The following EFR3A variants were observed in gnomAD, a reference collection of about 807,000 sequenced individuals.
EFR3A encodes the protein protein EFR3 homolog A.
A neutral mutation model predicts 104.4 loss-of-function variants in EFR3A; 76 were observed. The observed-to-expected ratio is 0.73, with a 90% CI of 0.60 to 0.88. The LOEUF is 0.88. Among genes scored for constraint, EFR3A ranks in the 40% least tolerant of loss-of-function variants. EFR3A has a pLI of 0.00. For synonymous variants in EFR3A, 330 were observed against 330.0 expected, an observed-to-expected ratio of 1.00 and a Z score of 0.00; for missense variants, 985 against 1,012.5, an observed-to-expected ratio of 0.97 and a Z score of 0.37.
At chr8:131,989,675 G>C (rs772214917) in intron 18 of EFR3A, among the ~76,000 whole-genome samples, 1 of 152,094 alleles carries the variant, frequency 6.6e-6, no homozygotes, top group Non-Finnish European at 1.5e-5. Context: ...TTTCTACTGA[G>C]TGCCTACAAT....
intron 18 of EFR3A, among the ~76,000 whole-genome samples, chr8:131,992,383 G>T (rs1821234000): frequency 6.6e-6 from 1 of 152,142 alleles, no homozygotes; most frequent in Non-Finnish European, 1.5e-5. Context: ...CTGTTTTGTT[G>T]CAGTTGAGTA....
chr8:131,934,330 A>T (rs1817766374), intron 1 of EFR3A, among the ~76,000 whole-genome samples: 1 of 151,960 alleles, frequency 6.6e-6, no homozygotes, highest in African/African-American at 2.4e-5. Flanking sequence ...GTTCAGTCTT[A>T]CTTGTTCTTC....
At chr8:131,912,297 G>A (rs1276291827) in intron 1 of EFR3A, among the ~76,000 whole-genome samples, 1 of 152,076 alleles carries the variant, frequency 6.6e-6, no homozygotes, top group African/African-American at 2.4e-5. Context: ...GAGATAAGCA[G>A]GATAGAAACC....
At chr8:131,960,865 C>G (rs1006598601) in intron 8 of EFR3A, among the ~76,000 whole-genome samples, 2 of 152,090 alleles carry the variant, frequency 1.3e-5, no homozygotes, top group East Asian at 3.9e-4. Flanking sequence ...TAGGCTCTTC[C>G]TTAAGAGTTT....
chr8:131,941,622 A>G (rs569470052), intron 2 of EFR3A, among the ~76,000 whole-genome samples: 22 of 152,222 alleles, frequency 1.4e-4, no homozygotes, highest in South Asian at 1.0e-3. Flanking sequence ...GAAACATACT[A>G]AATATGAAAT....
At chr8:131,943,422 A>G (rs1818262060) in intron 2 of EFR3A, among the ~76,000 whole-genome samples, 1 of 152,074 alleles carries the variant, frequency 6.6e-6, no homozygotes, top group South Asian at 2.1e-4. Flanking sequence ...GATGATGTGG[A>G]GGAACTGATA....
Position 131,919,014 on chromosome 8 carries a change from T to C in EFR3A, c.10+14692T>C, listed in dbSNP as rs1816870553. Among the ~76,000 whole-genome samples, 8 of 152,234 alleles carry C rather than the reference T, an allele frequency of 5.3e-5. No homozygotes were observed. In the South Asian group the frequency reaches 1.7e-3, roughly 32 times the overall value. The stretch of plus-strand genomic sequence containing the variant: ...GCTCATAATGGTAACAAACTAATAT[T>C]TTTTGATTTAGGGGTTTTCCTAAAC... On this transcript the variant is annotated intron_variant, in intron 1 of 22. Transcript: ENST00000254624.
chr8:132,006,358 C>T (rs1822052378), intron 22 of EFR3A, among the ~76,000 whole-genome samples: 1 of 151,650 alleles, frequency 6.6e-6, no homozygotes, highest in African/African-American at 2.4e-5. Flanking sequence ...CACAGATTAC[C>T]AATATTACAA....
At chr8:131,956,319 C>G (rs1026868108) in intron 7 of EFR3A, among the ~76,000 whole-genome samples, 3 of 152,092 alleles carry the variant, frequency 2.0e-5, no homozygotes, top group Non-Finnish European at 2.9e-5. Context: ...TGCCTTAGAT[C>G]GCATTCACAT....
chr8:131,990,907 G>T (rs930966376), intron 18 of EFR3A, among the ~76,000 whole-genome samples: 1 of 151,940 alleles, frequency 6.6e-6, no homozygotes, highest in South Asian at 2.1e-4. Context: ...CTGAGGGGAC[G>T]CATAGGATTT....
rs1320578989 is a variant in EFR3A at position 132,010,772 on chromosome 8, A to T, written c.2361-18A>T. ...TTGTAAGTACACCTGCTGACAATGT[A>T]TTTTTGTTCTTTTATAGTCCTCCTC... On this transcript the variant is annotated intron_variant, in intron 22 of 22. Coordinates refer to ENST00000254624, the MANE Select transcript of EFR3A (RefSeq NM_015137.6). The T allele has an allele frequency of 6.2e-7, 1 of 1,610,262 alleles. No individual in the cohort carries two copies. Among genetic ancestry groups the T allele is most frequent in the Middle Eastern group, 1.7e-4 (1 of 6,042 alleles).
chr8:132,006,539 G>C (rs184128875), intron 22 of EFR3A, among the ~76,000 whole-genome samples: 4 of 151,928 alleles, frequency 2.6e-5, no homozygotes, highest in African/African-American at 9.7e-5. Flanking sequence ...TAGATTTGCA[G>C]TTTAAAAGCA....
At position 132,010,879 on chromosome 8, in the gene EFR3A, A is replaced by T; in HGVS notation, c.2450A>T (p.Asp817Val). 1 of 1,612,296 alleles carries T rather than the reference A, an allele frequency of 6.2e-7. No homozygotes were observed. The highest frequency in any genetic ancestry group is 8.5e-7 in the Non-Finnish European group (1 of 1,178,774). ...SVPVYEMKFP[D>V]LCVY Reference sequence around the variant, plus strand: ...CCAGTCTATGAGATGAAGTTTCCAGATCTGTGTGTGTACTGATCGGCGCAT... The same window carrying T: ...CCAGTCTATGAGATGAAGTTTCCAGTTCTGTGTGTGTACTGATCGGCGCAT... The change falls in exon 23 of 23, where the codon GAT (aspartate) becomes GTT (valine). Residue 817 changes from aspartate (D) to valine (V), a missense_variant. By Grantham distance (152) the Asp-to-Val change is radical (BLOSUM62 -3). Transcript: ENST00000254624.
At chr8:132,003,079 A>G (rs548415928) in intron 21 of EFR3A, among the ~76,000 whole-genome samples, 157 bp from the exon 22 acceptor site, 2 of 152,326 alleles carry the variant, frequency 1.3e-5, no homozygotes, top group South Asian at 4.1e-4. Flanking sequence ...ATTCTAATAG[A>G]TAAGACAGAT....
rs146871009 is a variant in EFR3A, at chr8:131,955,770, G to T, written c.641G>T (p.Arg214Leu). ...NMQKIEEVDS[R>L]IGPPSSPSAT... is the part of the protein sequence containing the mutation. The stretch of plus-strand genomic sequence containing the variant: ...CTTTATTTCTCGTTCCTTTTTAGTC[G>T]CATAGGCCCTCCTTCTTCTCCTTCT... The change falls in exon 7 of 23, where the codon CGC becomes CTC. Residue 214 changes from arginine (R) to leucine (L), a missense_variant and splice_region_variant. Arg to Leu is a moderately radical substitution (Grantham distance 102). Coordinates refer to ENST00000254624, the MANE Select transcript of EFR3A (RefSeq NM_015137.6). 9.8e-5 allele frequency: 157 copies of T among 1,608,918 alleles called. 1 individual carries two copies. The highest frequency in any genetic ancestry group is 5.0e-4 in the Middle Eastern group (3 of 6,048).
chr8:131,924,435 C>CTTAA (rs1817199565), intron 1 of EFR3A, among the ~76,000 whole-genome samples: 1 of 152,096 alleles, frequency 6.6e-6, no homozygotes, highest in Non-Finnish European at 1.5e-5. Context: ...AGAGTCCAGG[C>CTTAA]TTAACATCCA....
chr8:131,917,012 G>A (rs1027403563), intron 1 of EFR3A, among the ~76,000 whole-genome samples: 1 of 152,194 alleles, frequency 6.6e-6, no homozygotes, highest in African/African-American at 2.4e-5. Context: ...TGTAAATTGT[G>A]CAGTTTGCAA....
chr8:132,010,819 C>T lies in EFR3A; in HGVS notation c.2390C>T (p.Thr797Ile), dbSNP rs763715816. 5.5e-5 allele frequency: 88 copies of T among 1,612,334 alleles called. No homozygotes were observed. The Admixed American group carries it at 1.4e-3, about 26-fold the overall frequency. The change falls in exon 23 of 23, where the codon ACC (threonine) becomes ATC (isoleucine). Residue 797 changes from threonine (T) to isoleucine (I), a missense_variant. By Grantham distance (89) the Thr-to-Ile change is moderately conservative (BLOSUM62 -1). Coordinates refer to ENST00000254624, the MANE Select transcript of EFR3A (RefSeq NM_015137.6). ...CCTCCCAGTCCATCAGGAACACTGA[C>T]CATTACTTCTGGGCATGCCCAATAC... is the stretch of plus-strand genomic sequence containing the variant. ...RPPPSPSGTL[T>I]ITSGHAQYQS...
At chr8:131,982,294 G>GT (rs1179071317) in intron 14 of EFR3A, among the ~76,000 whole-genome samples, 3 of 151,916 alleles carry the variant, frequency 2.0e-5, no homozygotes, top group Admixed American at 6.6e-5. Context: ...TTAAGTTTAG[G>GT]TTTTTTTTAA....
Sources: gnomAD v4.1 joint callset for allele counts (sites outside exome capture counted in the v4.1 genomes callset) on GRCh38, gnomAD v4.1.1 for gene constraint, MANE v1.5 for transcripts, NCBI Gene and HGNC (gene_info 2026-07-23, HGNC 2026-07-21) for gene names.